BCAS3: variants seen among roughly 807,000 people sequenced by gnomAD.
BCAS3 encodes the protein BCAS3 microtubule associated cell migration factor.
In BCAS3, 53 loss-of-function variants were observed where a neutral mutation model predicts 116.1. The observed-to-expected ratio is 0.46, with a 90% CI of 0.37 to 0.57. The LOEUF is 0.57. Among genes scored for constraint, BCAS3 ranks in the 20% least tolerant of loss-of-function variants. The pLI, the probability that BCAS3 is intolerant of heterozygous loss-of-function variation, is 0.00. For synonymous variants in BCAS3, 391 were observed against 408.2 expected (o/e 0.96, Z 0.51); for missense variants, 917 against 1,165.4 (o/e 0.79, Z 3.10).
chr17:60,782,626 G>T (rs181719511), intron 6 of BCAS3, among the ~76,000 whole-genome samples: 2 of 150,362 alleles, frequency 1.3e-5, no homozygotes, highest in South Asian at 4.2e-4. Flanking sequence ...TTGCTCTGTC[G>T]CCAGACTGGA....
Position 61,388,687 on chromosome 17 carries a change from C to T in BCAS3, c.2594-3290C>T, listed in dbSNP as rs769586669. On this transcript the variant is annotated intron_variant, in intron 23 of 23. Coordinates refer to ENST00000407086, the MANE Select transcript of BCAS3 (RefSeq NM_017679.5). The surrounding 1 kb of genome is among the most constrained non-coding windows in gnomAD (Gnocchi z 6.5). Reference sequence around the variant, plus strand: ...CGTGAGCAACCCAACAGTAACAAAGCATGCGTTCGGGATGGAGGAAGGTAA... The same window carrying T: ...CGTGAGCAACCCAACAGTAACAAAGTATGCGTTCGGGATGGAGGAAGGTAA... The T allele has an allele frequency of 1.2e-5, 18 of 1,550,602 alleles. No individual in the cohort carries two copies. Among genetic ancestry groups the T allele is most frequent in the Non-Finnish European group, 1.6e-5 (18 of 1,155,900 alleles).
At chr17:60,725,194 A>G (rs1598315074) in intron 5 of BCAS3, among the ~76,000 whole-genome samples, 1 of 152,150 alleles carries the variant, frequency 6.6e-6, no homozygotes, top group Non-Finnish European at 1.5e-5. Flanking sequence ...TTCTTTACCC[A>G]ATTAATTGGA....
intron 7 of BCAS3, among the ~76,000 whole-genome samples, chr17:60,863,807 G>T (rs1248941924): frequency 2.0e-5 from 3 of 151,930 alleles, no homozygotes; most frequent in Non-Finnish European, 4.4e-5. Flanking sequence ...ATGGCATTAT[G>T]TCAAAAAAAA....
rs1468503210 is a variant in BCAS3, at chr17:61,235,375, T to C, written c.2426-132952T>C. Reference sequence around the variant, plus strand: ...TCAAACAAGTAACCTTCAATGAAAATGTACAGTTTTGAGAATTTCGATATT... The same window carrying C: ...TCAAACAAGTAACCTTCAATGAAAACGTACAGTTTTGAGAATTTCGATATT... On this transcript the variant is annotated intron_variant, in intron 22 of 23. Coordinates refer to ENST00000407086, the MANE Select transcript of BCAS3 (RefSeq NM_017679.5). The surrounding 1 kb of genome is among the most constrained non-coding windows in gnomAD (Gnocchi z 5.0). Among the ~76,000 whole-genome samples, 9 of 152,068 alleles carry C rather than the reference T, an allele frequency of 5.9e-5. No homozygotes were observed. Among genetic ancestry groups the C allele is most frequent in the African/African-American group, 1.9e-4 (8 of 41,402 alleles).
intron 7 of BCAS3, among the ~76,000 whole-genome samples, chr17:60,816,757 A>G (rs368737826): frequency 6.6e-6 from 1 of 152,204 alleles, no homozygotes; most frequent in African/African-American, 2.4e-5. Flanking sequence ...TGGTTTTGTT[A>G]TGTCTGAAGA....
intron 22 of BCAS3, among the ~76,000 whole-genome samples, chr17:61,240,126 C>G (rs1162979654): frequency 6.6e-6 from 1 of 152,036 alleles, no homozygotes; most frequent in African/African-American, 2.4e-5. Context: ...GCAGCAGCAG[C>G]AGGAGGAGGA....
At chr17:61,147,893 C>T (rs781654209) in intron 22 of BCAS3, among the ~76,000 whole-genome samples, 3 of 150,606 alleles carry the variant, frequency 2.0e-5, no homozygotes, top group Non-Finnish European at 3.0e-5. Flanking sequence ...GGCTGAGGCA[C>T]GAGGATCGCT....
chr17:60,992,230 A>ACACACT (rs748676282), intron 15 of BCAS3, among the ~76,000 whole-genome samples: 1,689 of 147,070 alleles, frequency 0.011, 36 homozygotes, highest in African/African-American at 0.041. Context: ...ACACACACAC[A>ACACACT]CTCTGTAGGA....
At chr17:60,838,973 A>G (rs555956761) in intron 7 of BCAS3, among the ~76,000 whole-genome samples, 37 of 152,322 alleles carry the variant, frequency 2.4e-4, no homozygotes, top group Middle Eastern at 3.4e-3. Context: ...GGCATATGCC[A>G]CTGTGCCTGT....
At chr17:60,772,557 TC>T (rs1490416252) in intron 6 of BCAS3, among the ~76,000 whole-genome samples, 3 of 152,148 alleles carry the variant, frequency 2.0e-5, no homozygotes, top group Non-Finnish European at 2.9e-5. Flanking sequence ...GCCAATTAGA[TC>T]CCATTTGAGT....
intron 13 of BCAS3, among the ~76,000 whole-genome samples, chr17:60,944,170 G>C (rs189225974): frequency 2.2e-4 from 33 of 151,916 alleles, no homozygotes; most frequent in African/African-American, 7.7e-4. Flanking sequence ...GAGAAAAACA[G>C]AAAGTTATGA....
chr17:61,083,582 T>C lies in BCAS3; in HGVS notation c.2328-885T>C, dbSNP rs1184358797. Among the ~76,000 whole-genome samples, 1 of 151,572 alleles carries C rather than the reference T, an allele frequency of 6.6e-6. No homozygotes were observed. Among genetic ancestry groups the C allele is most frequent in the Non-Finnish European group, 1.5e-5 (1 of 67,996 alleles). ...AAAGAGACACTCGGCATTTGGCATT[T>C]ATATGTTTATTATTCTTTTTTTTTT... On this transcript the variant is annotated intron_variant, in intron 21 of 23. Transcript: ENST00000407086. This position sits in a 1 kb window ranked among gnomAD's most constrained non-coding sequence, Gnocchi z 4.9.
chr17:60,924,899 G>A (rs990818338), intron 13 of BCAS3, among the ~76,000 whole-genome samples: 2 of 149,040 alleles, frequency 1.3e-5, no homozygotes, highest in Admixed American at 6.7e-5. Context: ...TAATTTTCTC[G>A]GTTTTTTTTT....
In BCAS3 at chr17:61,156,902, C is replaced by T. The variant is rs761424073; in HGVS notation, c.2425+72338C>T. ...CAATTTAATATTTGCAATTATTTTTCCTTTGAAACAACACTTAAAAAAAAC... is the reference window on the plus strand; with the variant it reads ...CAATTTAATATTTGCAATTATTTTTTCTTTGAAACAACACTTAAAAAAAAC... On this transcript the variant is annotated intron_variant, in intron 22 of 23. Coordinates refer to ENST00000407086, the MANE Select transcript of BCAS3 (RefSeq NM_017679.5). This position sits in a 1 kb window ranked among gnomAD's most constrained non-coding sequence, Gnocchi z 4.7. Among the ~76,000 whole-genome samples, 7 of 152,002 alleles carry T rather than the reference C, an allele frequency of 4.6e-5. No homozygotes were observed. Among genetic ancestry groups the T allele is most frequent in the Non-Finnish European group, 8.8e-5 (6 of 68,002 alleles).
chr17:60,724,453 G>A (rs908343626), intron 5 of BCAS3, among the ~76,000 whole-genome samples: 1 of 150,448 alleles, frequency 6.6e-6, no homozygotes, highest in South Asian at 2.1e-4. Context: ...GGCCGGATGC[G>A]GTGGCTCATG....
In BCAS3 at chr17:61,278,283, C is replaced by T. The variant is rs1377961528; in HGVS notation, c.2426-90044C>T. Among the ~76,000 whole-genome samples the T allele has an allele frequency of 1.3e-5, 2 of 152,138 alleles. No individual in the cohort carries two copies. The highest frequency in any genetic ancestry group is 2.4e-5 in the African/African-American group (1 of 41,446). Reference sequence around the variant, plus strand: ...GTCTTGAACTCCTGACCTTGTGATCCGCCTGCCTCGGCCTCTCAAAGTGCT... The same window carrying T: ...GTCTTGAACTCCTGACCTTGTGATCTGCCTGCCTCGGCCTCTCAAAGTGCT... On this transcript the variant is annotated intron_variant, in intron 22 of 23. Transcript: ENST00000407086. This position sits in a 1 kb window ranked among gnomAD's most constrained non-coding sequence, Gnocchi z 5.8.
At chr17:60,775,952 G>A (rs1227279881) in intron 6 of BCAS3, among the ~76,000 whole-genome samples, 3 of 152,188 alleles carry the variant, frequency 2.0e-5, no homozygotes, top group African/African-American at 7.2e-5. Context: ...TTTGTACTCA[G>A]TGCTCAAAGT....
At chr17:61,146,735 C>A (rs138588061) in intron 22 of BCAS3, among the ~76,000 whole-genome samples, 16 of 152,094 alleles carry the variant, frequency 1.1e-4, no homozygotes, top group Non-Finnish European at 2.1e-4. Flanking sequence ...TAAGTGATAA[C>A]ACAATCCATT....
chr17:61,251,633 C>T lies in BCAS3; in HGVS notation c.2426-116694C>T, dbSNP rs901574203. ...CCATCCAAGATGCTGCCCTTGAGAC[C>T]TCTGGGTTGATGACTGATATGTTGG... On this transcript the variant is annotated intron_variant, in intron 22 of 23. Transcript: ENST00000407086. This position sits in a 1 kb window ranked among gnomAD's most constrained non-coding sequence, Gnocchi z 4.7. Among the ~76,000 whole-genome samples, 6 of 151,906 alleles carry T rather than the reference C, an allele frequency of 3.9e-5. No individual in the cohort carries two copies. Among genetic ancestry groups the T allele is most frequent in the Admixed American group, 2.6e-4 (4 of 15,254 alleles).
Sources: allele counts gnomAD v4.1 joint callset (sites outside exome capture counted in the v4.1 genomes callset), GRCh38; gene constraint gnomAD v4.1.1; non-coding constraint Gnocchi (gnomAD v3.1); transcripts MANE v1.5; gene names NCBI Gene and HGNC (gene_info 2026-07-23, HGNC 2026-07-21).